The following TNR variants were observed in gnomAD, a reference collection of about 807,000 sequenced individuals.
TNR encodes the protein tenascin R, also known as tenascin-R.
A neutral mutation model predicts 150.4 loss-of-function variants in TNR; 45 were observed. That is an observed-to-expected ratio of 0.30 (90% CI 0.24 to 0.38). The LOEUF (loss-of-function observed/expected upper bound fraction) is 0.38, where lower values mean the gene tolerates loss of function less well. Among genes scored for constraint, TNR ranks in the 10% least tolerant of loss-of-function variants. The pLI, the probability that TNR is intolerant of heterozygous loss-of-function variation, is 1.00. For synonymous variants in TNR, 687 were observed against 678.4 expected (o/e 1.01, Z -0.20); for missense variants, 1,544 against 1,759.1 (o/e 0.88, Z 2.19).
chr1:175,394,141 AAT>A (rs1653310590), intron 5 of TNR, among the ~76,000 whole-genome samples: 1 of 152,246 alleles, frequency 6.6e-6, no homozygotes, highest in African/African-American at 2.4e-5. Flanking sequence ...AACAATTTTT[AAT>A]GCTTTTTATT....
intron 1 of TNR, among the ~76,000 whole-genome samples, chr1:175,716,511 C>T (rs1025470116): frequency 6.6e-6 from 1 of 152,148 alleles, no homozygotes; most frequent in Non-Finnish European, 1.5e-5. Flanking sequence ...CTTGCCCAAC[C>T]CTCTCTTTCT....
chr1:175,494,911 T>C (rs1258960890), intron 2 of TNR, among the ~76,000 whole-genome samples: 1 of 152,202 alleles, frequency 6.6e-6, no homozygotes, highest in Admixed American at 6.5e-5. Flanking sequence ...TTTCCTATAA[T>C]GAATCTAGAT....
intron 1 of TNR, among the ~76,000 whole-genome samples, chr1:175,659,897 A>T (rs1413918903): frequency 2.7e-3 from 302 of 111,636 alleles, no homozygotes; most frequent in African/African-American, 3.5e-3. Context: ...TTTGGGTGTC[A>T]TTTTTTTTTT....
chr1:175,580,765 G>A (rs181345391), intron 1 of TNR, among the ~76,000 whole-genome samples: 263 of 152,286 alleles, frequency 1.7e-3, no homozygotes, highest in African/African-American at 5.9e-3. Context: ...TGTGGGATAC[G>A]GTCAATTAAG....
intron 11 of TNR, 135 bp from the exon 12 acceptor site, chr1:175,365,414 C>T (rs1056194181): frequency 1.0e-6 from 1 of 990,054 alleles, no homozygotes; most frequent in Middle Eastern, 3.2e-4. Context: ...CCAAGAGATT[C>T]CACCTCCTCA....
intron 1 of TNR, among the ~76,000 whole-genome samples, chr1:175,590,870 C>T (rs968753873): frequency 6.6e-6 from 1 of 152,198 alleles, no homozygotes; most frequent in Non-Finnish European, 1.5e-5. Flanking sequence ...GTGTTCTGAG[C>T]GTCCCCACAA....
chr1:175,391,552 G>T, intron 6 of TNR, 114 bp from the exon 7 acceptor site: 1 of 1,244,902 alleles, frequency 8.0e-7, no homozygotes, highest in Non-Finnish European at 1.1e-6. Flanking sequence ...TTAAAATGGG[G>T]GCGATGTCTC....
chr1:175,578,686 T>A (rs1007131275), intron 1 of TNR, among the ~76,000 whole-genome samples: 15 of 152,164 alleles, frequency 9.9e-5, no homozygotes, highest in Non-Finnish European at 2.1e-4. Flanking sequence ...AATGAGGAGA[T>A]CCCTGGAGCT....
chr1:175,705,242 G>A (rs960074158), intron 1 of TNR, among the ~76,000 whole-genome samples: 1 of 152,170 alleles, frequency 6.6e-6, no homozygotes, highest in Non-Finnish European at 1.5e-5. Flanking sequence ...TCAGGAAATT[G>A]AAGGAGGTAT....
rs76522563 is a variant in TNR, at chr1:175,635,712, A to G, written c.-164-107343T>C. Among the ~76,000 whole-genome samples, 500 of 152,260 alleles carry G rather than the reference A, an allele frequency of 3.3e-3. 6 individuals are homozygous for G. The highest frequency in any genetic ancestry group is 0.011 in the African/African-American group (470 of 41,550). On this transcript the variant is annotated intron_variant, in intron 1 of 22. Transcript: ENST00000367674. ...ATTATCTACACTCCTGTGTGATGCT[A>G]TGTTCTACCCCTGCCACAGAAGACC...
At chr1:175,483,660 A>T (rs978005717) in intron 2 of TNR, among the ~76,000 whole-genome samples, 1 of 152,186 alleles carries the variant, frequency 6.6e-6, no homozygotes, top group Non-Finnish European at 1.5e-5. Context: ...CTGCTATTGG[A>T]TTTGATCCTT....
intron 13 of TNR, 37 bp downstream of exon 13, chr1:175,363,671 A>C (rs1291985315): frequency 6.2e-7 from 1 of 1,604,660 alleles, no homozygotes; most frequent in South Asian, 1.1e-5. Flanking sequence ...CTTCACCCAA[A>C]TCCTAGTATC....
chr1:175,707,894 T>G (rs1357717302), intron 1 of TNR, among the ~76,000 whole-genome samples: 2 of 152,152 alleles, frequency 1.3e-5, no homozygotes, highest in African/African-American at 4.8e-5. Context: ...TTTGCTTTAG[T>G]TTGGTGTTTT....
intron 1 of TNR, among the ~76,000 whole-genome samples, chr1:175,741,109 G>C (rs1343643449): frequency 6.6e-6 from 1 of 152,224 alleles, no homozygotes; most frequent in Non-Finnish European, 1.5e-5. Flanking sequence ...AGAGGCCATT[G>C]CTCCACACTG....
chr1:175,641,892 T>G (rs1664674157), intron 1 of TNR, among the ~76,000 whole-genome samples: 1 of 152,228 alleles, frequency 6.6e-6, no homozygotes, highest in African/African-American at 2.4e-5. Context: ...AATGTAATTT[T>G]CATGCCAATG....
chr1:175,437,329 T>G (rs1034548339), intron 2 of TNR, among the ~76,000 whole-genome samples: 1 of 152,028 alleles, frequency 6.6e-6, no homozygotes, highest in Admixed American at 6.5e-5. Context: ...TTGAAACCAA[T>G]GAGAACAAAG....
intron 21 of TNR, among the ~76,000 whole-genome samples, chr1:175,326,586 C>T (rs747216674): frequency 9.8e-5 from 15 of 152,322 alleles, no homozygotes; most frequent in Non-Finnish European, 2.2e-4. Flanking sequence ...GTTAACCCCA[C>T]CATCTGCAAC....
chr1:175,696,217 G>GTT lies in TNR; in HGVS notation c.-165+47007_-165+47008dup, dbSNP rs5778870. On this transcript the variant is annotated intron_variant, in intron 1 of 22. Coordinates refer to ENST00000367674, the MANE Select transcript of TNR (RefSeq NM_003285.3). ...ATGCCATTAAATGAGCCTTCCTGTA[G>GTT]TTTTTTTTTTTTTTTTTTTTTTTTT... Among the ~76,000 whole-genome samples, 318 of 40,386 alleles carry GTT rather than the reference G, an allele frequency of 7.9e-3. 9 individuals are homozygous for GTT. The highest frequency in any genetic ancestry group is 0.012 in the Admixed American group (38 of 3,152). The allele number at this position is 40,386 out of a possible 152,430, so 26.5% of individuals were successfully genotyped here.
At chr1:175,642,654 T>C (rs1664699927) in intron 1 of TNR, among the ~76,000 whole-genome samples, 1 of 152,108 alleles carries the variant, frequency 6.6e-6, no homozygotes, top group Non-Finnish European at 1.5e-5. Flanking sequence ...GGCCTCAGCC[T>C]GCTGCGGTGT....
Sources: allele counts gnomAD v4.1 joint callset (sites outside exome capture counted in the v4.1 genomes callset), GRCh38; gene constraint gnomAD v4.1.1; transcripts MANE v1.5; gene names NCBI Gene and HGNC (gene_info 2026-07-23, HGNC 2026-07-21).